The following PRKG1 variants were observed in gnomAD, a reference collection of about 807,000 sequenced individuals.
PRKG1 encodes the protein cGMP-dependent protein kinase 1.
A neutral mutation model predicts 88.1 loss-of-function variants in PRKG1; 35 were observed. The observed-to-expected ratio is 0.40, with a 90% confidence interval of 0.30 to 0.53. The LOEUF is 0.53. Ranked by LOEUF, PRKG1 falls within the 20% of genes least tolerant of loss-of-function variation. PRKG1 has a pLI of 0.59. For synonymous variants in PRKG1, 303 were observed against 292.5 expected (o/e 1.04, Z -0.37); for missense variants, 540 against 839.8 (o/e 0.64, Z 4.41).
At chr10:51,598,744 AGATT>A (rs1408440855) in intron 3 of PRKG1, among the ~76,000 whole-genome samples, 1 of 152,262 alleles carries the variant, frequency 6.6e-6, no homozygotes, top group Non-Finnish European at 1.5e-5. Flanking sequence ...GAATAAACAA[AGATT>A]GATTGAGAAA....
intron 1 of PRKG1, among the ~76,000 whole-genome samples, chr10:51,058,259 A>C (rs1339375327): frequency 2.6e-5 from 4 of 152,008 alleles, no homozygotes; most frequent in Admixed American, 2.0e-4. Flanking sequence ...TTGCTAATTA[A>C]ATATATATTA....
chr10:51,006,744 A>G (rs925974983), intron 1 of PRKG1, among the ~76,000 whole-genome samples: 4 of 151,794 alleles, frequency 2.6e-5, no homozygotes, highest in African/African-American at 9.7e-5. Context: ...ATATAAACTT[A>G]TTACTCTAGA....
At chr10:51,644,612 T>A (rs1297365993) in intron 3 of PRKG1, among the ~76,000 whole-genome samples, 1 of 152,206 alleles carries the variant, frequency 6.6e-6, no homozygotes, top group Non-Finnish European at 1.5e-5. Context: ...TTATCAGATA[T>A]GATAAGATGG....
intron 7 of PRKG1, among the ~76,000 whole-genome samples, chr10:52,073,792 C>T (rs149078248): frequency 6.6e-6 from 1 of 152,216 alleles, no homozygotes; most frequent in Non-Finnish European, 1.5e-5. Flanking sequence ...GAACTCATTA[C>T]AGGATTAATG....
chr10:51,048,999 C>T (rs1241640818), intron 1 of PRKG1, among the ~76,000 whole-genome samples: 2 of 152,080 alleles, frequency 1.3e-5, no homozygotes, highest in African/African-American at 2.4e-5. Context: ...CTCACCTGCC[C>T]ATTGTGGGTT....
In PRKG1 at chr10:52,007,092, C is replaced by T. The variant is rs550445644; in HGVS notation, c.763-47392C>T. 4.9e-4 allele frequency among the ~76,000 whole-genome samples: 75 copies of T among 152,238 alleles called. 1 individual carries two copies. In the Middle Eastern group the frequency reaches 0.01, roughly 21 times the overall value. On this transcript the variant is annotated intron_variant, in intron 5 of 17. Coordinates refer to ENST00000373980, the MANE Select transcript of PRKG1 (RefSeq NM_006258.4). ...AAGCAAATGGTGAAATAATTTGTTA[C>T]GACTAGACCTGCCTTACAGGAGCTG...
intron 7 of PRKG1, chr10:52,128,479 T>C: frequency 1.0e-6 from 1 of 985,380 alleles, no homozygotes; most frequent in Non-Finnish European, 1.2e-6. Flanking sequence ...ATACTGACAG[T>C]GACGCCACTT....
At chr10:51,222,696 G>A (rs1356043497) in intron 2 of PRKG1, among the ~76,000 whole-genome samples, 1 of 152,082 alleles carries the variant, frequency 6.6e-6, no homozygotes, top group African/African-American at 2.4e-5. Context: ...TTATAGCACA[G>A]GGGTAGTTTA....
intron 1 of PRKG1, among the ~76,000 whole-genome samples, chr10:51,079,896 C>T (rs915928180): frequency 6.6e-6 from 1 of 152,190 alleles, no homozygotes; most frequent in African/African-American, 2.4e-5. Flanking sequence ...CCTTTTTCCA[C>T]TCACTTCCAA....
intron 2 of PRKG1, among the ~76,000 whole-genome samples, chr10:51,183,839 T>TCC (rs1255415308): frequency 6.6e-6 from 1 of 152,216 alleles, no homozygotes; most frequent in Non-Finnish European, 1.5e-5. Flanking sequence ...GTCTGCCTAG[T>TCC]TGTTAGTTCA....
chr10:52,166,795 A>ATATATATATG (rs1319112349), intron 9 of PRKG1, among the ~76,000 whole-genome samples: 19 of 23,662 alleles, frequency 8.0e-4, no homozygotes, highest in African/African-American at 2.6e-3. Context: ...GCCTATATAT[A>ATATATATATG]TACATATATA....
chr10:51,605,139 G>T (rs1343369227), intron 3 of PRKG1, among the ~76,000 whole-genome samples: 1 of 152,198 alleles, frequency 6.6e-6, no homozygotes, highest in Non-Finnish European at 1.5e-5. Context: ...CACTGGTCTG[G>T]TGGTGTCTGT....
At chr10:52,184,715 C>G (rs189549086) in intron 9 of PRKG1, 1 of 152,310 alleles carries the variant, frequency 6.6e-6, no homozygotes, top group East Asian at 1.9e-4. Flanking sequence ...ATGCTGGCAT[C>G]TGCTACTGCT....
chr10:51,978,712 TTTA>T (rs1843914281), intron 5 of PRKG1, among the ~76,000 whole-genome samples: 1 of 151,962 alleles, frequency 6.6e-6, no homozygotes, highest in African/African-American at 2.4e-5. Flanking sequence ...GTTTTATTTT[TTTA>T]CTGTCATTTG....
chr10:51,422,939 C>T (rs1330402716), intron 2 of PRKG1, among the ~76,000 whole-genome samples: 1 of 149,974 alleles, frequency 6.7e-6, no homozygotes, highest in African/African-American at 2.5e-5. Context: ...AAGTATACAG[C>T]ACTTGATCTC....
At chr10:51,813,862 C>A (rs1839518616) in intron 4 of PRKG1, among the ~76,000 whole-genome samples, 1 of 152,114 alleles carries the variant, frequency 6.6e-6, no homozygotes, top group Non-Finnish European at 1.5e-5. Context: ...CCCTTCCTCT[C>A]ACCCCTCTAG....
intron 2 of PRKG1, among the ~76,000 whole-genome samples, chr10:51,329,078 A>G (rs951363618): frequency 2.0e-5 from 3 of 151,842 alleles, no homozygotes; most frequent in Non-Finnish European, 4.4e-5. Flanking sequence ...TTTTGATGTA[A>G]TTTGTCTATT....
intron 3 of PRKG1, among the ~76,000 whole-genome samples, chr10:51,605,307 C>T (rs117706789): frequency 0.035 from 5,291 of 152,224 alleles, 130 homozygotes; most frequent in Non-Finnish European, 0.057. Context: ...AACAGGAGTT[C>T]CTGTTCTCAC....
intron 5 of PRKG1, among the ~76,000 whole-genome samples, chr10:52,002,727 A>G (rs1422216451): frequency 6.6e-6 from 1 of 152,190 alleles, no homozygotes; most frequent in Non-Finnish European, 1.5e-5. Flanking sequence ...ATACATCAAG[A>G]TATAAATGTT....
Sources: allele counts gnomAD v4.1 joint callset (sites outside exome capture counted in the v4.1 genomes callset), GRCh38; gene constraint gnomAD v4.1.1; transcripts MANE v1.5; gene names NCBI Gene and HGNC (gene_info 2026-07-23, HGNC 2026-07-21).